Variants in TBC1D1 observed in about 807,000 individuals in gnomAD.
TBC1D1 encodes TBC1 domain family member 1, also known as TBC1 (tre-2/USP6, BUB2, cdc16) domain family, member 1.
Under a neutral mutation model 125.6 loss-of-function variants are expected in TBC1D1, and 89 were observed. That is an observed-to-expected ratio of 0.71 (90% CI 0.60 to 0.85). The LOEUF (loss-of-function observed/expected upper bound fraction) is 0.85, where lower values mean the gene tolerates loss of function less well. Among genes scored for constraint, TBC1D1 ranks in the 40% least tolerant of loss-of-function variants. TBC1D1 has a pLI of 0.00. For synonymous variants in TBC1D1, 565 were observed against 564.1 expected, an observed-to-expected ratio of 1.00 and a Z score of -0.02; for missense variants, 1,377 against 1,469.2, an observed-to-expected ratio of 0.94 and a Z score of 1.03.
At chr4:37,896,449 G>A (rs1345139827) in intron 1 of TBC1D1, among the ~76,000 whole-genome samples, 1 of 152,060 alleles carries the variant, frequency 6.6e-6, no homozygotes, top group African/African-American at 2.4e-5. Context: ...CCACATTTTT[G>A]TTCTTTAAGG....
At chr4:38,001,223 A>AAAAGAAAG (rs34403727) in intron 2 of TBC1D1, among the ~76,000 whole-genome samples, 5,089 of 150,038 alleles carry the variant, frequency 0.034, 96 homozygotes, top group South Asian at 0.044. Context: ...CCGTCTCAAA[A>AAAAGAAAG]AAAGAAAGAA....
intron 15 of TBC1D1, among the ~76,000 whole-genome samples, chr4:38,107,102 G>A (rs1339618755): frequency 4.6e-5 from 7 of 152,184 alleles, no homozygotes; most frequent in Non-Finnish European, 8.8e-5. Context: ...TCCGTGTGAG[G>A]CAATGCATTT....
intron 2 of TBC1D1, among the ~76,000 whole-genome samples, chr4:37,972,115 G>T (rs557551970): frequency 1.3e-5 from 2 of 152,282 alleles, no homozygotes; most frequent in South Asian, 4.1e-4. Flanking sequence ...CAGTGTCTTT[G>T]AGCAATGACT....
chr4:37,968,325 G>T (rs962584864), intron 2 of TBC1D1, among the ~76,000 whole-genome samples: 2 of 152,192 alleles, frequency 1.3e-5, no homozygotes, highest in African/African-American at 2.4e-5. Context: ...CTTTTACCCT[G>T]CAGTCTTCTT....
At chr4:37,952,013 C>T (rs766547651) in intron 2 of TBC1D1, 3 of 717,608 alleles carry the variant, frequency 4.2e-6, no homozygotes, top group African/African-American at 1.7e-5. Context: ...CAGTGCTCAT[C>T]ATCACTGTAG....
intron 12 of TBC1D1, among the ~76,000 whole-genome samples, chr4:38,075,889 C>T (rs1299042775): frequency 1.3e-5 from 2 of 152,190 alleles, no homozygotes; most frequent in Admixed American, 1.3e-4. Flanking sequence ...TTTCCTCCTC[C>T]TTTCTCTTTT....
chr4:38,125,208 A>C (rs1764450792), intron 18 of TBC1D1, 77 bp downstream of exon 20: 1 of 1,408,584 alleles, frequency 7.1e-7, no homozygotes. Flanking sequence ...TTGAGCAGGA[A>C]CTGTTTCCTA....
intron 12 of TBC1D1, among the ~76,000 whole-genome samples, chr4:38,071,665 G>C (rs942586683): frequency 4.6e-5 from 7 of 152,140 alleles, no homozygotes; most frequent in African/African-American, 1.7e-4. Context: ...TACTCTTCCT[G>C]AAGTGGTGTG....
chr4:37,913,871 T>C (rs2152258227), intron 2 of TBC1D1, among the ~76,000 whole-genome samples: 1 of 152,196 alleles, frequency 6.6e-6, no homozygotes, highest in East Asian at 1.9e-4. Context: ...ACGAGCCACC[T>C]AGAGCTTGTG....
At chr4:37,960,509 GCTGGAGT>G (rs772900059) in intron 2 of TBC1D1, 1 of 1,614,150 alleles carries the variant, frequency 6.2e-7, no homozygotes, top group South Asian at 1.1e-5. Flanking sequence ...ATGTGCTGAA[GCTGGAGT>G]CTAGACCTTC....
intron 2 of TBC1D1, among the ~76,000 whole-genome samples, chr4:37,971,522 A>G (rs543973581): frequency 1.3e-5 from 2 of 152,264 alleles, no homozygotes; most frequent in African/African-American, 4.8e-5. Context: ...TGATTCAGTT[A>G]TCTCCCACTG....
At chr4:37,901,900 A>C (rs1716103058) in intron 1 of TBC1D1, 103 bp from the exon 2 acceptor site, 1 of 531,124 alleles carries the variant, frequency 1.9e-6, no homozygotes, top group South Asian at 3.0e-5. Context: ...CTCTTATTAT[A>C]TTTGGGTTTC....
Position 37,980,948 on chromosome 4 carries a change from CT to C in TBC1D1, c.418-33549del, listed in dbSNP as rs58830277. On this transcript the variant is annotated intron_variant, in intron 2 of 19. Transcript: ENST00000261439. Reference sequence around the variant, plus strand: ...TTTAAAGATGCATTAAAAAAGGAATCTTTTTTTTTTTTGACCCTGAGTCTCA... The same window carrying C: ...TTTAAAGATGCATTAAAAAAGGAATCTTTTTTTTTTTGACCCTGAGTCTCA... Among the ~76,000 whole-genome samples the C allele has an allele frequency of 5.7e-3, 839 of 146,368 alleles. 6 individuals are homozygous for C. The highest frequency in any genetic ancestry group is 0.017 in the African/African-American group (671 of 40,046).
At chr4:38,114,494 G>A (rs538454308) in intron 15 of TBC1D1, among the ~76,000 whole-genome samples, 2 of 152,298 alleles carry the variant, frequency 1.3e-5, no homozygotes, top group South Asian at 2.1e-4. Context: ...TTAACGTGTG[G>A]CCTAGATCCA....
intron 15 of TBC1D1, among the ~76,000 whole-genome samples, chr4:38,104,561 T>C (rs1760940196): frequency 6.6e-6 from 1 of 152,280 alleles, no homozygotes; most frequent in African/African-American, 2.4e-5. Context: ...CCTGTTCTGG[T>C]TGCAGCTGCT....
chr4:38,110,563 C>T (rs1318930570), intron 15 of TBC1D1: 1 of 985,284 alleles, frequency 1.0e-6, no homozygotes, highest in Non-Finnish European at 1.2e-6. Flanking sequence ...GTAGGCCTTT[C>T]TGGCATATTT....
Position 38,133,299 on chromosome 4 carries a change from A to G in TBC1D1, c.3306+42A>G, listed in dbSNP as rs766658015. On this transcript the variant is annotated intron_variant, in intron 19 of 19. Coordinates refer to ENST00000261439, the MANE Select transcript of TBC1D1 (RefSeq NM_015173.4). ...AAGCAGCTTCCTGAATCACAAATATATGGTAGTTCATTAACTCACCAAAGG... is the reference window on the plus strand; with the variant it reads ...AAGCAGCTTCCTGAATCACAAATATGTGGTAGTTCATTAACTCACCAAAGG... 1.1e-5 allele frequency: 18 copies of G among 1,574,832 alleles called. No individual in the cohort carries two copies. In the Admixed American group the frequency reaches 1.4e-4, roughly 12 times the overall value.
chr4:37,989,691 C>T (rs1736161539), intron 2 of TBC1D1, among the ~76,000 whole-genome samples: 1 of 152,188 alleles, frequency 6.6e-6, no homozygotes, highest in African/African-American at 2.4e-5. Flanking sequence ...TTCTTTAGGC[C>T]ACAAGTAACT....
At chr4:38,113,856 C>T (rs1273650566) in intron 15 of TBC1D1, among the ~76,000 whole-genome samples, 2 of 152,108 alleles carry the variant, frequency 1.3e-5, no homozygotes, top group South Asian at 2.1e-4. Flanking sequence ...AAAAAGAATG[C>T]CTAATGTCTC....
Sources: gnomAD v4.1 joint callset for allele counts (sites outside exome capture counted in the v4.1 genomes callset) on GRCh38, gnomAD v4.1.1 for gene constraint, MANE v1.5 for transcripts, NCBI Gene and HGNC (gene_info 2026-07-23, HGNC 2026-07-21) for gene names.